UGT1A9: variants seen among roughly 807,000 people sequenced by gnomAD.
The protein encoded by UGT1A9 is UDP-glucuronosyltransferase 1A9.
In UGT1A9, 35 loss-of-function variants were observed where a neutral mutation model predicts 45.0. The ratio of observed to expected loss-of-function variants is 0.78; its 90% CI spans 0.59 to 1.03. The LOEUF (loss-of-function observed/expected upper bound fraction) is 1.03, where lower values mean the gene tolerates loss of function less well. Among genes scored for constraint, UGT1A9 ranks in the 50% least tolerant of loss-of-function variants. The probability of loss-of-function intolerance (pLI) is 0.00; values close to 1 mark genes in which losing one functional copy is unlikely to be tolerated. For missense variants in UGT1A9, 687 were observed against 666.6 expected, an observed-to-expected ratio of 1.03 and a Z score of -0.34; for synonymous variants, 278 against 250.6, an observed-to-expected ratio of 1.11 and a Z score of -1.03.
At chr2:233,761,081 C>T in intron 1 of UGT1A9, 2 of 1,614,180 alleles carry the variant, frequency 1.2e-6, no homozygotes, top group Non-Finnish European at 1.7e-6. Flanking sequence ...AAGGATTACC[C>T]TAGGCCCATC....
At position 233,724,416 on chromosome 2, in the gene UGT1A9, G is replaced by A. The variant is rs1457197643; in HGVS notation, c.856-42618G>A. 2.3e-4 allele frequency among the ~76,000 whole-genome samples: 32 copies of A among 137,862 alleles called. 2 individuals are homozygous for A. The highest frequency in any genetic ancestry group is 1.2e-3 in the East Asian group (5 of 4,238). 90.4% of individuals were successfully genotyped at this position (137,862 alleles called of 152,430 possible). A position where few individuals can be genotyped will look rare whatever the true frequency, so the allele number is the denominator to read the frequency against. ...TCACTTCCCAGATGGGGTGGCTGCC[G>A]GGCGGAGAGGCTCCTCACTTCTCAG... On this transcript the variant is annotated intron_variant, in intron 1 of 4. Coordinates refer to ENST00000354728, the MANE Select transcript of UGT1A9 (RefSeq NM_021027.3).
Position 233,675,445 on chromosome 2 carries a change from T to G in UGT1A9, c.855+2656T>G, listed in dbSNP as rs1479955710. ...ATGACTGGTTTTAGGTGAAAAGAAT[T>G]CAGGCTTTGTCTATACCATCCATGG... On this transcript the variant is annotated intron_variant, in intron 1 of 4. Coordinates refer to ENST00000354728, the MANE Select transcript of UGT1A9 (RefSeq NM_021027.3). Among the ~76,000 whole-genome samples, 3 of 152,288 alleles carry G rather than the reference T, an allele frequency of 2.0e-5. No individual in the cohort carries two copies. The East Asian group carries it at 5.8e-4, about 29-fold the overall frequency.
chr2:233,716,114 C>A (rs1457178462), intron 1 of UGT1A9, among the ~76,000 whole-genome samples: 2 of 152,082 alleles, frequency 1.3e-5, no homozygotes, highest in Admixed American at 1.3e-4. Flanking sequence ...TTAGTTTTTC[C>A]ATCTTAGTTT....
chr2:233,692,980 C>T (rs777378989), intron 1 of UGT1A9: 11 of 1,612,916 alleles, frequency 6.8e-6, no homozygotes, highest in Middle Eastern at 1.7e-4. Flanking sequence ...TCTTTATTAC[C>T]GTTGTTACTT....
At chr2:233,710,850 T>C (rs924657969) in intron 1 of UGT1A9, among the ~76,000 whole-genome samples, 5 of 152,176 alleles carry the variant, frequency 3.3e-5, no homozygotes, top group African/African-American at 1.2e-4. Flanking sequence ...GGAGGATTTG[T>C]TTCTATGTTT....
chr2:233,692,938 C>A (rs770236705), intron 1 of UGT1A9: 46 of 1,592,260 alleles, frequency 2.9e-5, no homozygotes, highest in Non-Finnish European at 3.6e-5. Context: ...AGGGAAAATA[C>A]CTAGGAGCCC....
intron 1 of UGT1A9, among the ~76,000 whole-genome samples, chr2:233,715,816 G>A (rs1294109650): frequency 6.6e-6 from 1 of 152,118 alleles, no homozygotes; most frequent in Non-Finnish European, 1.5e-5. Context: ...TTGTTTTAAA[G>A]TTAGAAAACA....
At chr2:233,682,408 T>C (rs1193999932) in intron 1 of UGT1A9, 1 of 1,613,868 alleles carries the variant, frequency 6.2e-7, no homozygotes, top group African/African-American at 1.3e-5. Context: ...GCTTAATTGT[T>C]GCCAAATATT....
chr2:233,761,251 A>C, intron 1 of UGT1A9: 1 of 1,608,190 alleles, frequency 6.2e-7, no homozygotes. Flanking sequence ...AAGCATTCTG[A>C]GATAATTTAA....
intron 1 of UGT1A9, among the ~76,000 whole-genome samples, chr2:233,688,534 TTACATCACA>T (rs2074899517): frequency 6.6e-6 from 1 of 152,192 alleles, no homozygotes; most frequent in Admixed American, 6.5e-5. Context: ...TGGGTTTGAC[TTACATCACA>T]TGGTCTCTAA....
chr2:233,699,672 C>T (rs1248464548), intron 1 of UGT1A9, among the ~76,000 whole-genome samples: 3 of 152,188 alleles, frequency 2.0e-5, no homozygotes, highest in Non-Finnish European at 4.4e-5. Context: ...GAAACTTTCT[C>T]GCTGAGAGGT....
chr2:233,705,070 A>G (rs1441909473), intron 1 of UGT1A9, among the ~76,000 whole-genome samples: 1 of 151,246 alleles, frequency 6.6e-6, no homozygotes. Flanking sequence ...CGGGAGGCGG[A>G]GGTTGCAGAG....
chr2:233,690,760 TACAC>T (rs899779207), intron 1 of UGT1A9: 3 of 905,494 alleles, frequency 3.3e-6, no homozygotes, highest in South Asian at 2.8e-5. Flanking sequence ...AGTGCAGACA[TACAC>T]ACACACACAC....
At chr2:233,701,977 C>T (rs2125588404) in intron 1 of UGT1A9, among the ~76,000 whole-genome samples, 1 of 151,846 alleles carries the variant, frequency 6.6e-6, no homozygotes, top group East Asian at 1.9e-4. Context: ...TAGTAAAAGG[C>T]AAGAAATAAC....
chr2:233,709,836 C>T (rs1010563430), intron 1 of UGT1A9, among the ~76,000 whole-genome samples: 5 of 152,188 alleles, frequency 3.3e-5, no homozygotes, highest in African/African-American at 9.7e-5. Context: ...GCTGTGCAGC[C>T]ATCACCACAT....
At chr2:233,765,252 C>T (rs1390588094) in intron 1 of UGT1A9, among the ~76,000 whole-genome samples, 1 of 152,180 alleles carries the variant, frequency 6.6e-6, no homozygotes, top group Non-Finnish European at 1.5e-5. Flanking sequence ...AATCCCATTA[C>T]TGGGTATATA....
intron 1 of UGT1A9, among the ~76,000 whole-genome samples, chr2:233,741,240 A>G (rs530886202): frequency 6.6e-6 from 1 of 152,014 alleles, no homozygotes; most frequent in East Asian, 1.9e-4. Flanking sequence ...CCTCTGAGTG[A>G]CACTGGTATG....
At chr2:233,765,397 A>G (rs1698823781) in intron 1 of UGT1A9, among the ~76,000 whole-genome samples, 1 of 152,238 alleles carries the variant, frequency 6.6e-6, no homozygotes, top group South Asian at 2.1e-4. Context: ...AAAATGTGGT[A>G]CATATACACC....
chr2:233,679,513 T>A (rs1257425601), intron 1 of UGT1A9, among the ~76,000 whole-genome samples: 1 of 152,238 alleles, frequency 6.6e-6, no homozygotes, highest in Non-Finnish European at 1.5e-5. Flanking sequence ...TGCTTGGTTT[T>A]CTTCCTTGCC....
Sources: gnomAD v4.1 joint callset for allele counts (sites outside exome capture counted in the v4.1 genomes callset) on GRCh38, gnomAD v4.1.1 for gene constraint, MANE v1.5 for transcripts, NCBI Gene and HGNC (gene_info 2026-07-23, HGNC 2026-07-21) for gene names.